Variants in HACD3 observed in about 807,000 individuals in gnomAD.
The protein encoded by HACD3 is 3-hydroxyacyl-CoA dehydratase 3.
HACD3 carries 30 observed loss-of-function variants against 55.2 expected under a neutral mutation model. That is an observed-to-expected ratio of 0.54 (90% CI 0.41 to 0.74). The LOEUF is 0.74. Ranked by LOEUF, HACD3 falls within the 30% of genes least tolerant of loss-of-function variation. HACD3 has a pLI of 0.00. For synonymous variants in HACD3, 141 were observed against 151.7 expected, an observed-to-expected ratio of 0.93 and a Z score of 0.52; for missense variants, 363 against 440.1, an observed-to-expected ratio of 0.82 and a Z score of 1.57.
At chr15:65,559,664 G>T (rs2072226538) in intron 5 of HACD3, among the ~76,000 whole-genome samples, 1 of 151,660 alleles carries the variant, frequency 6.6e-6, no homozygotes, top group Non-Finnish European at 1.5e-5. Context: ...TCCGAATAAG[G>T]TTTCTTTTGA....
chr15:65,577,511 A>G lies in HACD3; in HGVS notation c.*1132A>G, dbSNP rs543655632. On this transcript the variant is annotated 3_prime_UTR_variant, in exon 11 of 11. Transcript: ENST00000261875. ...GGTAGCAGGGATCCAAAGGGAACAC[A>G]GTATGTAGGTCAAACTGGCAGTAAC... is the stretch of plus-strand genomic sequence containing the variant. 4 of 152,606 alleles carry G rather than the reference A, an allele frequency of 2.6e-5. No homozygotes were observed. Among genetic ancestry groups the G allele is most frequent in the East Asian group, 3.9e-4 (2 of 5,194 alleles). The allele number at this position is 152,606 out of a possible 1,614,324, so 9.5% of individuals were successfully genotyped here. A position where few individuals can be genotyped will look rare whatever the true frequency, so the allele number is the denominator to read the frequency against.
rs755084483 is a variant in HACD3 at position 65,552,309 on chromosome 15, T to A, written c.130+591T>A. Among the ~76,000 whole-genome samples, 104 of 152,230 alleles carry A rather than the reference T, an allele frequency of 6.8e-4. 1 individual carries two copies. Among genetic ancestry groups the A allele is most frequent in the Middle Eastern group, 6.8e-3 (2 of 294 alleles). On this transcript the variant is annotated intron_variant, in intron 2 of 10. Transcript: ENST00000261875. ...TATGCTGCTTTTTTTAAAAAAAAATTATTATGGAAACATAAAATAGAAAAT... is the reference window on the plus strand; with the variant it reads ...TATGCTGCTTTTTTTAAAAAAAAATAATTATGGAAACATAAAATAGAAAAT...
intron 10 of HACD3, among the ~76,000 whole-genome samples, chr15:65,575,190 T>G (rs377512756): frequency 1.1e-4 from 16 of 148,162 alleles, no homozygotes; most frequent in Admixed American, 2.7e-4. Flanking sequence ...ACTTTTTAGT[T>G]TTTTTTTTTT....
intron 5 of HACD3, among the ~76,000 whole-genome samples, chr15:65,561,986 AGGAGGAAGTAT>A (rs1375753017): frequency 2.0e-5 from 3 of 152,250 alleles, no homozygotes; most frequent in African/African-American, 7.2e-5. Context: ...TGAAGAGATT[AGGAGGAAGTAT>A]GGAGGAAGTG....
chr15:65,544,025 A>C (rs569382471), intron 1 of HACD3, among the ~76,000 whole-genome samples: 7 of 152,064 alleles, frequency 4.6e-5, no homozygotes, highest in Non-Finnish European at 1.0e-4. Context: ...AAATACAAAA[A>C]AATTACCCGG....
rs1001808962 is a variant in HACD3, at chr15:65,530,581, GGCAGCGAGGC to G, written c.-42_-33del. 3 of 1,500,352 alleles carry G rather than the reference GGCAGCGAGGC, an allele frequency of 2.0e-6. No individual in the cohort carries two copies. The African/African-American group carries it at 4.2e-5, about 21-fold the overall frequency. The allele number at this position is 1,500,352 out of a possible 1,614,324, so 92.9% of individuals were successfully genotyped here. A position where few individuals can be genotyped will look rare whatever the true frequency, so the allele number is the denominator to read the frequency against. ...CTCGCGCCAGCAGAGCACTACCTGA[GGCAGCGAGGC>G]GCAGCGAGCCTAGCCTCCCCGCGCC... is the stretch of plus-strand genomic sequence containing the variant. On this transcript the variant is annotated 5_prime_UTR_variant, in exon 1 of 11. Transcript: ENST00000261875.
At chr15:65,554,774 C>CAAA in intron 2 of HACD3, 113 bp from the exon 3 acceptor site, 35 of 575,574 alleles carry the variant, frequency 6.1e-5, no homozygotes, top group Admixed American at 1.0e-4. Context: ...GACTCTGTCT[C>CAAA]AAAAAAAAAA....
At chr15:65,568,168 C>T (rs928242808) in intron 7 of HACD3, among the ~76,000 whole-genome samples, 23 of 151,852 alleles carry the variant, frequency 1.5e-4, no homozygotes, top group East Asian at 9.8e-4. Context: ...GTGATCTACC[C>T]GCCTCGGCCT....
rs1230591000 is a variant in HACD3 at position 65,576,239 on chromosome 15, C to T, written c.1013-64C>T. On this transcript the variant is annotated intron_variant, in intron 10 of 10. Coordinates refer to ENST00000261875, the MANE Select transcript of HACD3 (RefSeq NM_016395.4). ...CGACAGCTAGATACTGTCCCTGCCA[C>T]AAGAGCTTCTGGTTATAAATAGACA... 3 of 1,536,962 alleles carry T rather than the reference C, an allele frequency of 2.0e-6. No homozygotes were observed. The African/African-American group carries it at 4.2e-5, about 21-fold the overall frequency.
intron 1 of HACD3, among the ~76,000 whole-genome samples, chr15:65,547,537 G>A (rs1237970470): frequency 1.3e-5 from 2 of 152,358 alleles, no homozygotes; most frequent in Middle Eastern, 3.4e-3. Context: ...TGTAGGCACA[G>A]TTTAGGAACA....
chr15:65,562,693 G>A (rs565386939), intron 5 of HACD3, 81 bp from the exon 6 acceptor site: 2 of 1,527,066 alleles, frequency 1.3e-6, no homozygotes, highest in Non-Finnish European at 1.8e-6. Flanking sequence ...AAGGGTTGAA[G>A]TCATCCAGAT....
At chr15:65,537,221 A>G (rs75777899) in intron 1 of HACD3, among the ~76,000 whole-genome samples, 93 of 152,338 alleles carry the variant, frequency 6.1e-4, no homozygotes, top group African/African-American at 2.2e-3. Context: ...AGGTGAAGCT[A>G]CAAGTGCTGA....
intron 9 of HACD3, 116 bp downstream of exon 9, chr15:65,571,770 A>T (rs942975963): frequency 1.2e-6 from 1 of 809,924 alleles, no homozygotes; most frequent in South Asian, 1.8e-5. Context: ...TGGATTTTTC[A>T]GGGATTTCTT....
chr15:65,535,952 A>G (rs2071950595), intron 1 of HACD3: 1 of 427,886 alleles, frequency 2.3e-6, no homozygotes. Context: ...GGCCTCCCAG[A>G]TCCCTGAGGT....
chr15:65,557,119 T>A (rs1231193283), intron 4 of HACD3, among the ~76,000 whole-genome samples: 1 of 152,322 alleles, frequency 6.6e-6, no homozygotes, highest in East Asian at 1.9e-4. Context: ...ACAACTAGAC[T>A]AAGGTGATAG....
intron 9 of HACD3, 90 bp downstream of exon 9, chr15:65,571,744 C>T (rs911564320): frequency 5.1e-6 from 5 of 974,674 alleles, no homozygotes; most frequent in African/African-American, 1.6e-5. Context: ...GGCCTTAGTC[C>T]GATAAATGGA....
chr15:65,576,264 A>G, intron 10 of HACD3, 39 bp from the exon 11 acceptor site: 1 of 1,554,676 alleles, frequency 6.4e-7, no homozygotes, highest in African/African-American at 1.4e-5. Flanking sequence ...ATAAATAGAC[A>G]AAGACTCTAA....
At chr15:65,537,934 GAAAAAAAAAA>G (rs1167167112) in intron 1 of HACD3, among the ~76,000 whole-genome samples, 673 of 23,682 alleles carry the variant, frequency 0.028, 6 homozygotes, top group Middle Eastern at 0.062. Flanking sequence ...CAACTTCTCA[GAAAAAAAAAA>G]AAAAAAAAAA....
chr15:65,541,719 G>A (rs573549034), intron 1 of HACD3, among the ~76,000 whole-genome samples: 8 of 152,354 alleles, frequency 5.3e-5, no homozygotes, highest in African/African-American at 1.7e-4. Context: ...GTAACCTCAA[G>A]TTGGTTGGTA....
Sources: allele counts gnomAD v4.1 joint callset (sites outside exome capture counted in the v4.1 genomes callset), GRCh38; gene constraint gnomAD v4.1.1; transcripts MANE v1.5; gene names NCBI Gene and HGNC (gene_info 2026-07-23, HGNC 2026-07-21).